The following SGCZ variants were observed in gnomAD, a reference collection of about 807,000 sequenced individuals.
SGCZ encodes the protein sarcoglycan zeta.
In SGCZ, 40 loss-of-function variants were observed where a neutral mutation model predicts 41.3. The ratio of observed to expected loss-of-function variants is 0.97; its 90% CI spans 0.75 to 1.26. The LOEUF (loss-of-function observed/expected upper bound fraction) is 1.26, where lower values mean the gene tolerates loss of function less well. SGCZ is among the 50% of genes most tolerant of loss of function. The pLI is 0.00. For missense variants in SGCZ, 552 were observed against 369.8 expected, an observed-to-expected ratio of 1.49 and a Z score of -4.04; for synonymous variants, 206 against 137.5, an observed-to-expected ratio of 1.50 and a Z score of -3.49.
intron 2 of SGCZ, among the ~76,000 whole-genome samples, chr8:14,501,447 T>C (rs1383865692): frequency 6.6e-6 from 1 of 150,680 alleles, no homozygotes; most frequent in African/African-American, 2.5e-5. Flanking sequence ...ACATACTTTA[T>C]TTATGCCTAC....
intron 3 of SGCZ, among the ~76,000 whole-genome samples, chr8:14,288,046 T>A (rs1800700442): frequency 6.6e-6 from 1 of 152,124 alleles, no homozygotes; most frequent in Non-Finnish European, 1.5e-5. Context: ...AAAGGAGAAC[T>A]ATTCTTTGAG....
intron 7 of SGCZ, among the ~76,000 whole-genome samples, chr8:14,099,545 C>T (rs1032121638): frequency 1.3e-5 from 2 of 151,988 alleles, no homozygotes; most frequent in Non-Finnish European, 2.9e-5. Context: ...ACCAACATGG[C>T]GACACCCTGT....
intron 1 of SGCZ, among the ~76,000 whole-genome samples, chr8:14,933,805 G>A (rs1799998759): frequency 6.6e-6 from 1 of 151,956 alleles, no homozygotes; most frequent in African/African-American, 2.4e-5. Flanking sequence ...CAATAGCTAT[G>A]GCTAATATCT....
intron 1 of SGCZ, among the ~76,000 whole-genome samples, chr8:14,674,581 G>A (rs113626658): frequency 0.013 from 1,914 of 152,080 alleles, 36 homozygotes; most frequent in African/African-American, 0.031. Flanking sequence ...GTTTTGATAC[G>A]GTTTGGGTTA....
intron 1 of SGCZ, among the ~76,000 whole-genome samples, chr8:14,792,686 T>G (rs1458062332): frequency 6.6e-6 from 1 of 152,150 alleles, no homozygotes; most frequent in Admixed American, 6.5e-5. Flanking sequence ...CGTTTAGCAT[T>G]AGGTATATGT....
chr8:14,206,067 C>T (rs752550940), intron 4 of SGCZ, among the ~76,000 whole-genome samples: 1 of 152,174 alleles, frequency 6.6e-6, no homozygotes. Context: ...TCTAATTAAA[C>T]ATTTCTCTAC....
intron 1 of SGCZ, among the ~76,000 whole-genome samples, chr8:14,981,654 C>CA (rs1259628681): frequency 6.6e-6 from 1 of 152,132 alleles, no homozygotes; most frequent in Non-Finnish European, 1.5e-5. Context: ...ATGATGGTGT[C>CA]AACTCACCAC....
At chr8:14,403,775 T>C (rs535682378) in intron 2 of SGCZ, among the ~76,000 whole-genome samples, 4 of 152,258 alleles carry the variant, frequency 2.6e-5, no homozygotes, top group South Asian at 2.1e-4. Context: ...TAAGAAAAAA[T>C]ATACATGCAA....
intron 7 of SGCZ, among the ~76,000 whole-genome samples, chr8:14,092,995 C>T (rs562233467): frequency 1.3e-5 from 2 of 152,056 alleles, no homozygotes; most frequent in African/African-American, 2.4e-5. Flanking sequence ...GGACTCACCA[C>T]TTTGAGAGAC....
At chr8:14,727,944 A>T (rs1402174267) in intron 1 of SGCZ, among the ~76,000 whole-genome samples, 1 of 152,252 alleles carries the variant, frequency 6.6e-6, no homozygotes, top group Non-Finnish European at 1.5e-5. Flanking sequence ...AGACACATGC[A>T]GCAGCATAAG....
chr8:14,166,894 A>G (rs1421868908), intron 4 of SGCZ, among the ~76,000 whole-genome samples: 3 of 152,280 alleles, frequency 2.0e-5, no homozygotes, highest in East Asian at 3.9e-4. Context: ...ATTTACGCAC[A>G]TAGATGAGAT....
At chr8:14,434,932 C>A (rs532141612) in intron 2 of SGCZ, among the ~76,000 whole-genome samples, 43 of 152,224 alleles carry the variant, frequency 2.8e-4, no homozygotes, top group African/African-American at 1.0e-3. Flanking sequence ...CCAGACACCA[C>A]ATCTTTTGGG....
intron 1 of SGCZ, among the ~76,000 whole-genome samples, chr8:14,709,719 C>G (rs950626819): frequency 1.2e-4 from 18 of 151,898 alleles, no homozygotes; most frequent in Non-Finnish European, 2.6e-4. Flanking sequence ...ACTAAATCTT[C>G]GTGAAGTCGA....
chr8:14,444,337 A>G (rs1800365566), intron 2 of SGCZ, among the ~76,000 whole-genome samples: 1 of 152,190 alleles, frequency 6.6e-6, no homozygotes, highest in African/African-American at 2.4e-5. Flanking sequence ...GCTATAAATC[A>G]TGCTGCTATA....
intron 3 of SGCZ, among the ~76,000 whole-genome samples, chr8:14,290,001 G>C (rs1029593941): frequency 6.6e-6 from 1 of 151,826 alleles, no homozygotes; most frequent in Non-Finnish European, 1.5e-5. Flanking sequence ...AGCAGATCTT[G>C]TGAGAACTCC....
At chr8:14,342,197 G>A (rs1802734578) in intron 2 of SGCZ, among the ~76,000 whole-genome samples, 1 of 152,300 alleles carries the variant, frequency 6.6e-6, no homozygotes, top group South Asian at 2.1e-4. Context: ...TTGGGAACTG[G>A]AGCAAAGCTG....
intron 1 of SGCZ, among the ~76,000 whole-genome samples, chr8:14,822,890 C>T (rs1357614479): frequency 6.6e-6 from 1 of 151,962 alleles, no homozygotes; most frequent in Non-Finnish European, 1.5e-5. Context: ...CCCATCTCTA[C>T]AACAAATACA....
intron 3 of SGCZ, among the ~76,000 whole-genome samples, chr8:14,298,578 C>A (rs1451556086): frequency 6.6e-6 from 1 of 151,780 alleles, no homozygotes; most frequent in Non-Finnish European, 1.5e-5. Context: ...AAACTTAATA[C>A]CATTTATTAC....
intron 1 of SGCZ, among the ~76,000 whole-genome samples, chr8:14,609,777 A>C (rs1480816513): frequency 1.3e-5 from 2 of 152,136 alleles, no homozygotes; most frequent in Admixed American, 1.3e-4. Context: ...GTTTGTATAC[A>C]TGTCTCATTT....
Sources: gnomAD v4.1 joint callset for allele counts (sites outside exome capture counted in the v4.1 genomes callset) on GRCh38, gnomAD v4.1.1 for gene constraint, MANE v1.5 for transcripts, NCBI Gene and HGNC (gene_info 2026-07-23, HGNC 2026-07-21) for gene names.